DLG2: variants seen among roughly 807,000 people sequenced by gnomAD.
The protein encoded by DLG2 is discs large MAGUK scaffold protein 2, also known as disks large homolog 2.
Under a neutral mutation model 132.5 loss-of-function variants are expected in DLG2, and 45 were observed. The observed-to-expected ratio is 0.34, with a 90% CI of 0.27 to 0.44. The LOEUF is 0.44. Ranked by LOEUF, DLG2 falls within the 20% of genes least tolerant of loss-of-function variation. The probability of loss-of-function intolerance (pLI) is 1.00; values close to 1 mark genes in which losing one functional copy is unlikely to be tolerated. For missense variants in DLG2, 1,045 were observed against 1,196.9 expected (o/e 0.87, Z 1.87); for synonymous variants, 424 against 419.6 (o/e 1.01, Z -0.13).
intron 7 of DLG2, among the ~76,000 whole-genome samples, chr11:84,323,434 T>C (rs1428027719): frequency 6.6e-6 from 1 of 152,212 alleles, no homozygotes; most frequent in African/African-American, 2.4e-5. Flanking sequence ...TGTTTATCCA[T>C]TCATTCATCA....
intron 16 of DLG2, among the ~76,000 whole-genome samples, chr11:83,849,943 G>A (rs899182376): frequency 6.6e-6 from 1 of 152,072 alleles, no homozygotes; most frequent in Non-Finnish European, 1.5e-5. Context: ...AGAGGTCCAT[G>A]TAATTGAAGG....
chr11:83,941,293 C>T (rs748534289), intron 14 of DLG2, among the ~76,000 whole-genome samples: 5 of 136,472 alleles, frequency 3.7e-5, no homozygotes, highest in Admixed American at 1.4e-4. Flanking sequence ...AACCTGCCTT[C>T]CAGCATATAC....
chr11:83,982,854 A>G (rs2092916751), intron 11 of DLG2, among the ~76,000 whole-genome samples: 1 of 152,014 alleles, frequency 6.6e-6, no homozygotes, highest in Non-Finnish European at 1.5e-5. Flanking sequence ...TACTTTTTCT[A>G]TGTTTAGATA....
chr11:85,173,614 T>A (rs1566966793), intron 4 of DLG2, among the ~76,000 whole-genome samples: 1 of 152,122 alleles, frequency 6.6e-6, no homozygotes, highest in African/African-American at 2.4e-5. Flanking sequence ...CAGGATCAAA[T>A]TCACACATAA....
intron 18 of DLG2, among the ~76,000 whole-genome samples, chr11:83,750,478 T>C (rs1397049310): frequency 2.6e-5 from 4 of 152,212 alleles, no homozygotes; most frequent in African/African-American, 9.6e-5. Flanking sequence ...GCAGTTCAGT[T>C]ACCTTTAGAC....
chr11:83,473,826 C>T (rs1219144891), intron 22 of DLG2, among the ~76,000 whole-genome samples: 2 of 152,068 alleles, frequency 1.3e-5, no homozygotes, highest in Non-Finnish European at 2.9e-5. Context: ...CACAGCACCA[C>T]AGAAAGAGAG....
intron 6 of DLG2, among the ~76,000 whole-genome samples, chr11:84,761,689 C>T (rs565919092): frequency 1.3e-5 from 2 of 152,256 alleles, no homozygotes; most frequent in Non-Finnish European, 1.5e-5. Flanking sequence ...CAGTGGTTTG[C>T]CAGGGGCTCT....
At chr11:83,993,803 T>C (rs933797262) in intron 11 of DLG2, among the ~76,000 whole-genome samples, 2 of 152,136 alleles carry the variant, frequency 1.3e-5, no homozygotes, top group African/African-American at 4.8e-5. Flanking sequence ...CTCTGAATAC[T>C]GTCTACACTG....
intron 6 of DLG2, among the ~76,000 whole-genome samples, chr11:85,006,153 G>A (rs2058643737): frequency 6.6e-6 from 1 of 152,096 alleles, no homozygotes; most frequent in Non-Finnish European, 1.5e-5. Flanking sequence ...TTTTTGCATT[G>A]AAGTTCATCA....
At chr11:84,752,656 G>A (rs2066304525) in intron 6 of DLG2, among the ~76,000 whole-genome samples, 1 of 144,446 alleles carries the variant, frequency 6.9e-6, no homozygotes, top group East Asian at 2.0e-4. Context: ...CCATGCTGGT[G>A]CGCTGCACCC....
chr11:84,923,251 G>A, intron 6 of DLG2: 1 of 1,516,566 alleles, frequency 6.6e-7, no homozygotes, highest in Non-Finnish European at 8.8e-7. Context: ...ATTGATCTCT[G>A]TTTTCTCTGA....
At chr11:84,437,499 T>C (rs1348528497) in intron 7 of DLG2, 1 of 152,044 alleles carries the variant, frequency 6.6e-6, no homozygotes, top group Non-Finnish European at 1.5e-5. Flanking sequence ...ACAATGAAGC[T>C]GCCGCACAAT....
rs1003656443 is a variant in DLG2, at chr11:85,051,013, G to A, written c.357+60648C>T. On this transcript the variant is annotated intron_variant, in intron 6 of 27. Transcript: ENST00000376104. Reference sequence around the variant, plus strand: ...CAATGATTAAGCGAGACAGCCAAGCGCCAGTGCACCATGAAGAACAACAGA... The same window carrying A: ...CAATGATTAAGCGAGACAGCCAAGCACCAGTGCACCATGAAGAACAACAGA... 1.1e-4 allele frequency among the ~76,000 whole-genome samples: 17 copies of A among 152,170 alleles called. No homozygotes were observed. In the East Asian group the frequency reaches 2.5e-3, roughly 23 times the overall value.
chr11:85,245,229 G>A (rs2076075680), intron 4 of DLG2, among the ~76,000 whole-genome samples: 1 of 151,874 alleles, frequency 6.6e-6, no homozygotes, highest in African/African-American at 2.4e-5. Context: ...AACTGTAAAT[G>A]TTACATCTTC....
chr11:84,445,740 C>A (rs2154479319), intron 7 of DLG2, among the ~76,000 whole-genome samples: 1 of 151,780 alleles, frequency 6.6e-6, no homozygotes, highest in South Asian at 2.1e-4. Flanking sequence ...CATGGTGAAA[C>A]CCCGTCTCTA....
chr11:84,632,077 C>A (rs745742085), intron 6 of DLG2, among the ~76,000 whole-genome samples: 32 of 152,166 alleles, frequency 2.1e-4, no homozygotes, highest in Admixed American at 2.1e-3. Context: ...GTTATTTATA[C>A]TAAACAGTTT....
intron 6 of DLG2, among the ~76,000 whole-genome samples, chr11:84,815,844 A>G (rs1176884217): frequency 6.6e-6 from 1 of 152,044 alleles, no homozygotes; most frequent in Non-Finnish European, 1.5e-5. Context: ...GTGCCACCTC[A>G]TAGTGGGGTC....
At chr11:83,921,507 T>C (rs918510006) in intron 15 of DLG2, among the ~76,000 whole-genome samples, 1 of 152,194 alleles carries the variant, frequency 6.6e-6, no homozygotes, top group African/African-American at 2.4e-5. Context: ...TTGGTACATA[T>C]AAAACTTCTG....
chr11:85,114,875 T>A (rs752155401), intron 5 of DLG2, among the ~76,000 whole-genome samples: 2 of 151,930 alleles, frequency 1.3e-5, no homozygotes, highest in Non-Finnish European at 2.9e-5. Context: ...GTTAGAGTGC[T>A]TTGGAGTTTA....
Sources: gnomAD v4.1 joint callset for allele counts (sites outside exome capture counted in the v4.1 genomes callset) on GRCh38, gnomAD v4.1.1 for gene constraint, MANE v1.5 for transcripts, NCBI Gene and HGNC (gene_info 2026-07-23, HGNC 2026-07-21) for gene names.